FBXO10: variants seen among roughly 807,000 people sequenced by gnomAD.
FBXO10 encodes the protein F-box protein 10, also known as F-box only protein 10.
In FBXO10, 39 loss-of-function variants were observed where a neutral mutation model predicts 80.7. The observed-to-expected ratio is 0.48, with a 90% confidence interval of 0.37 to 0.63. The LOEUF (loss-of-function observed/expected upper bound fraction) is 0.63, where lower values mean the gene tolerates loss of function less well. Ranked by LOEUF, FBXO10 falls within the 30% of genes least tolerant of loss-of-function variation. FBXO10 has a pLI of 0.00. For synonymous variants in FBXO10, 449 were observed against 489.6 expected (o/e 0.92, Z 1.09); for missense variants, 1,025 against 1,269.0 (o/e 0.81, Z 2.92).
At position 37,516,102 on chromosome 9, in the gene FBXO10, G is replaced by A. The variant is rs1821173607; in HGVS notation, c.2515-17C>T. Reference sequence around the variant, plus strand: ...CTTTATTACCTGGGAGAGGCAGCCAGAGATTGTCACACCTCAGGGATTCAC... The same window carrying A: ...CTTTATTACCTGGGAGAGGCAGCCAAAGATTGTCACACCTCAGGGATTCAC... On this transcript the variant is annotated splice_polypyrimidine_tract_variant and intron_variant, in intron 9 of 10. Transcript: ENST00000432825. The A allele has an allele frequency of 1.9e-6, 3 of 1,606,780 alleles. No homozygotes were observed. Among genetic ancestry groups the A allele is most frequent in the Non-Finnish European group, 2.5e-6 (3 of 1,176,946 alleles).
Position 37,525,149 on chromosome 9 carries a change from C to T in FBXO10, c.1730G>A (p.Arg577His), listed in dbSNP as rs368929348. The change falls in exon 6 of 11, where the codon CGT (arginine) becomes CAT (histidine). Residue 577 changes from arginine (R) to histidine (H), a missense_variant. Arg to His is a conservative substitution (Grantham distance 29, BLOSUM62 0). Around this residue, in one of 3 missense-constraint regions of FBXO10, gnomAD observed 478 missense variants for 667.8 expected, o/e 0.72. Transcript: ENST00000432825. ...VVSGNHIFKG[R>H]AAGIAVNENG... Reference sequence around the variant, plus strand: ...CTCATTCACTGCTATGCCGGCAGCACGGCCCTTGAAGATGTGGTTCCCGCT... The same window carrying T: ...CTCATTCACTGCTATGCCGGCAGCATGGCCCTTGAAGATGTGGTTCCCGCT... 19 of 1,563,830 alleles carry T rather than the reference C, an allele frequency of 1.2e-5. No homozygotes were observed. Among genetic ancestry groups the T allele is most frequent in the East Asian group, 9.5e-5 (4 of 41,936 alleles).
intron 4 of FBXO10, among the ~76,000 whole-genome samples, chr9:37,530,655 G>A (rs1821597449): frequency 6.6e-6 from 1 of 152,154 alleles, no homozygotes; most frequent in Non-Finnish European, 1.5e-5. Flanking sequence ...TCGCTCTGTT[G>A]CCCAGGCTGG....
chr9:37,550,503 CAG>C (rs1225177376), intron 1 of FBXO10, among the ~76,000 whole-genome samples: 1 of 133,802 alleles, frequency 7.5e-6, no homozygotes, highest in East Asian at 2.3e-4. Context: ...TTTTTTGAGA[CAG>C]AGTCTCACTC....
At chr9:37,525,272 A>C in intron 5 of FBXO10, 100 bp from the exon 6 acceptor site, 1 of 1,146,482 alleles carries the variant, frequency 8.7e-7, no homozygotes, top group Non-Finnish European at 1.3e-6. Flanking sequence ...TCTCTACAAA[A>C]AATACAAAAA....
At chr9:37,553,099 T>C (rs1164558810) in intron 1 of FBXO10, among the ~76,000 whole-genome samples, 1 of 151,826 alleles carries the variant, frequency 6.6e-6, no homozygotes, top group Non-Finnish European at 1.5e-5. Context: ...TGGAGTGTAG[T>C]GGTGCAATCT....
chr9:37,516,145 T>G (rs935669462), intron 9 of FBXO10, 60 bp from the exon 10 acceptor site: 3 of 1,543,660 alleles, frequency 1.9e-6, no homozygotes, highest in Non-Finnish European at 2.6e-6. Context: ...GTGGGAGAGC[T>G]GGGCAAGTGA....
In FBXO10 at chr9:37,515,901, C is replaced by T; in HGVS notation, c.2696+3G>A. 6.2e-7 allele frequency: 1 copy of T among 1,613,018 alleles called. No individual in the cohort carries two copies. The highest frequency in any genetic ancestry group is 8.5e-7 in the Non-Finnish European group (1 of 1,179,404). On this transcript the variant is annotated splice_donor_region_variant and intron_variant, in intron 10 of 10. Transcript: ENST00000432825. ...ACTCGTTCAGGCAACCCCAAGCACT[C>T]ACTTTTTCTTGAAGACCAGGAACTT...
chr9:37,551,979 C>T (rs1822207854), intron 1 of FBXO10, among the ~76,000 whole-genome samples: 1 of 152,350 alleles, frequency 6.6e-6, no homozygotes, highest in Middle Eastern at 3.4e-3. Context: ...TCTACAGAGT[C>T]CTAGGACACA....
intron 1 of FBXO10, among the ~76,000 whole-genome samples, chr9:37,546,139 A>G (rs1822049744): frequency 6.6e-6 from 1 of 151,798 alleles, no homozygotes; most frequent in Non-Finnish European, 1.5e-5. Context: ...GCAAAACTCC[A>G]TCTAAAAAAA....
chr9:37,557,518 T>C (rs1822367556), intron 1 of FBXO10, among the ~76,000 whole-genome samples: 1 of 152,240 alleles, frequency 6.6e-6, no homozygotes, highest in Non-Finnish European at 1.5e-5. Flanking sequence ...ACCATGTTCT[T>C]GGCTTGCCTC....
chr9:37,518,189 A>G lies in FBXO10; in HGVS notation c.2450T>C (p.Ile817Thr), dbSNP rs567358595. The G allele has an allele frequency of 9.3e-6, 15 of 1,613,932 alleles. No individual in the cohort carries two copies. The Admixed American group carries it at 1.2e-4, about 13-fold the overall frequency. ...CCGGTTGCCAATGATATCGTTTTCA[A>G]TGACGATGGTGCTGTCGCCCTTGGT... is the stretch of plus-strand genomic sequence containing the variant. ...IITKGDSTIV[I>T]ENDIIGNRGS... The change falls in exon 9 of 11, where the codon ATT (isoleucine) becomes ACT (threonine). Residue 817 changes from isoleucine to threonine, a missense_variant. Physicochemically the swap from Ile to Thr is moderately conservative, Grantham distance 89. Around this residue, in one of 3 missense-constraint regions of FBXO10, gnomAD observed 478 missense variants for 667.8 expected, o/e 0.72. Transcript: ENST00000432825.
Position 37,512,509 on chromosome 9 carries a change from C to CA in FBXO10, c.*37dup, listed in dbSNP as rs756581937. On this transcript the variant is annotated 3_prime_UTR_variant, in exon 11 of 11. Transcript: ENST00000432825. Reference sequence around the variant, plus strand: ...GTATTTCCACCTTAGCTCCTCTGAGCACCCATCCAGGCTTGGCCCTGAAGC... The same window carrying CA: ...GTATTTCCACCTTAGCTCCTCTGAGCAACCCATCCAGGCTTGGCCCTGAAGC... The CA allele has an allele frequency of 1.8e-5, 28 of 1,592,078 alleles. No individual in the cohort carries two copies. Among genetic ancestry groups the CA allele is most frequent in the East Asian group, 1.6e-4 (7 of 44,530 alleles).
intron 1 of FBXO10, among the ~76,000 whole-genome samples, chr9:37,550,169 GTTTTTTTTTTT>G (rs74171511): frequency 0.012 from 802 of 67,924 alleles, 13 homozygotes; most frequent in African/African-American, 0.031. Flanking sequence ...GTCGTCTCAG[GTTTTTTTTTTT>G]TTTTTTTTTT....
At chr9:37,520,344 C>G (rs1339622550) in intron 8 of FBXO10, among the ~76,000 whole-genome samples, 8 of 120,372 alleles carry the variant, frequency 6.6e-5, no homozygotes, top group African/African-American at 2.6e-4. Context: ...CCTTTTAAGA[C>G]AGGGTCTTGC....
At chr9:37,556,432 G>C (rs548935859) in intron 1 of FBXO10, among the ~76,000 whole-genome samples, 2 of 150,266 alleles carry the variant, frequency 1.3e-5, no homozygotes, top group African/African-American at 4.9e-5. Context: ...TTATCCAACT[G>C]TCCCAGGACC....
At chr9:37,569,291 C>A (rs1822687200) in intron 1 of FBXO10, among the ~76,000 whole-genome samples, 1 of 146,568 alleles carries the variant, frequency 6.8e-6, no homozygotes, top group Non-Finnish European at 1.5e-5. Flanking sequence ...ACAAAAAAGG[C>A]AGCTTCATAA....
At chr9:37,528,816 G>A (rs1174794310) in intron 5 of FBXO10, among the ~76,000 whole-genome samples, 1 of 152,238 alleles carries the variant, frequency 6.6e-6, no homozygotes, top group Non-Finnish European at 1.5e-5. Flanking sequence ...TAGGTGAGCT[G>A]AAATCTCTGT....
Position 37,518,107 on chromosome 9 carries a change from AC to A in FBXO10, c.2514+17del. ...CCTGTGTGGGCACCACACGTCACAC[AC>A]ATGCAGACATACTCACTTTAGTGTC... On this transcript the variant is annotated intron_variant, in intron 9 of 10. Transcript: ENST00000432825. 1 of 1,598,922 alleles carries A rather than the reference AC, an allele frequency of 6.3e-7. No homozygotes were observed. Among genetic ancestry groups the A allele is most frequent in the South Asian group, 1.1e-5 (1 of 87,886 alleles).
chr9:37,562,136 G>A (rs1234091750), intron 1 of FBXO10, among the ~76,000 whole-genome samples: 2 of 152,336 alleles, frequency 1.3e-5, no homozygotes, highest in African/African-American at 2.4e-5. Context: ...CTGCTTCTGG[G>A]AAGGGTGGGC....
Sources: gnomAD v4.1 joint callset for allele counts (sites outside exome capture counted in the v4.1 genomes callset) on GRCh38, gnomAD v4.1.1 for gene constraint, gnomAD v4.1.1 regional missense constraint, MANE v1.5 for transcripts, NCBI Gene and HGNC (gene_info 2026-07-23, HGNC 2026-07-21) for gene names.